Variants in THBS4 observed in about 807,000 individuals in gnomAD.
THBS4 encodes the protein thrombospondin 4.
THBS4 carries 90 observed loss-of-function variants against 115.7 expected under a neutral mutation model. That is an observed-to-expected ratio of 0.78 (90% CI 0.66 to 0.93). THBS4 has a LOEUF of 0.93. THBS4 is among the 40% of genes least tolerant of loss of function. The probability of loss-of-function intolerance (pLI) is 0.00; values close to 1 mark genes in which losing one functional copy is unlikely to be tolerated. For synonymous variants in THBS4, 460 were observed against 479.3 expected (o/e 0.96, Z 0.53); for missense variants, 1,087 against 1,232.7 (o/e 0.88, Z 1.77).
intron 21 of THBS4, 91 bp from the exon 22 acceptor site, chr5:80,082,988 GC>G: frequency 8.9e-7 from 1 of 1,123,618 alleles, no homozygotes; most frequent in South Asian, 1.3e-5. Context: ...GGCTAACAGC[GC>G]CCCCTACAGG....
At chr5:80,053,064 A>G (rs1833302909) in intron 2 of THBS4, 1 of 152,182 alleles carries the variant, frequency 6.6e-6, no homozygotes, top group Non-Finnish European at 1.5e-5. Context: ...GCAGGAAGAA[A>G]AAAATACCAT....
rs767557345 is a variant in THBS4, at chr5:80,079,892, T to G, written c.2512-13T>G. 6.8e-6 allele frequency: 11 copies of G among 1,613,392 alleles called. No homozygotes were observed. The South Asian group carries it at 1.1e-4, about 16-fold the overall frequency. ...GTGTCCTGTCCTAAAACCTTGCTTG[T>G]GTCATCATGCAGGCTGTGAAGTCTA... On this transcript the variant is annotated splice_polypyrimidine_tract_variant and intron_variant, in intron 19 of 21. Transcript: ENST00000350881.
intron 2 of THBS4, among the ~76,000 whole-genome samples, chr5:80,018,152 T>G (rs1325103473): frequency 6.6e-6 from 1 of 152,104 alleles, no homozygotes; most frequent in African/African-American, 2.4e-5. Context: ...TCTTTTCCAT[T>G]CTTTCTACTG....
intron 4 of THBS4, 75 bp from the exon 5 acceptor site, chr5:80,058,633 G>A: frequency 8.0e-7 from 1 of 1,249,546 alleles, no homozygotes; most frequent in Non-Finnish European, 1.2e-6. Context: ...ATTTCCTGGG[G>A]AATAATTTGG....
At chr5:80,052,152 G>GT (rs767697016) in intron 2 of THBS4, among the ~76,000 whole-genome samples, 15 of 152,102 alleles carry the variant, frequency 9.9e-5, no homozygotes, top group Non-Finnish European at 1.9e-4. Context: ...TGTAATAGAA[G>GT]TTTTTTAAAA....
intron 2 of THBS4, among the ~76,000 whole-genome samples, chr5:80,006,797 A>C (rs1832027321): frequency 6.6e-6 from 1 of 152,214 alleles, no homozygotes; most frequent in Non-Finnish European, 1.5e-5. Flanking sequence ...AATGTATGTT[A>C]TTTGAGTGAT....
chr5:80,082,325 A>C, intron 20 of THBS4, 81 bp from the exon 21 acceptor site: 1 of 1,565,126 alleles, frequency 6.4e-7, no homozygotes, highest in Non-Finnish European at 8.7e-7. Flanking sequence ...ACGTATAAGA[A>C]GTGGGGCCCC....
intron 2 of THBS4, among the ~76,000 whole-genome samples, chr5:80,002,103 C>T (rs955285369): frequency 1.3e-5 from 2 of 152,024 alleles, no homozygotes; most frequent in African/African-American, 4.8e-5. Flanking sequence ...TATTTTATAC[C>T]ATACCATGCA....
intron 17 of THBS4, 120 bp from the exon 18 acceptor site, chr5:80,078,801 C>A: frequency 1.2e-6 from 1 of 804,542 alleles, no homozygotes; most frequent in Non-Finnish European, 1.9e-6. Context: ...ATAATGAAAT[C>A]TTTATATGGA....
chr5:80,078,724 CTTT>C, intron 17 of THBS4, 194 bp from the exon 18 acceptor site: 1 of 516,048 alleles, frequency 1.9e-6, no homozygotes, highest in Non-Finnish European at 3.3e-6. Flanking sequence ...CAGCTTTGAG[CTTT>C]TTTTTAACCT....
intron 1 of THBS4, among the ~76,000 whole-genome samples, chr5:79,994,273 A>C (rs556561684): frequency 6.6e-6 from 1 of 152,262 alleles, no homozygotes; most frequent in African/African-American, 2.4e-5. Flanking sequence ...ATCAGTACCC[A>C]TATAGCCAGT....
intron 2 of THBS4, among the ~76,000 whole-genome samples, chr5:80,018,118 G>A (rs900938077): frequency 5.9e-5 from 9 of 151,968 alleles, no homozygotes; most frequent in African/African-American, 2.2e-4. Flanking sequence ...AAAACTCTCA[G>A]CCATTTTTCC....
chr5:80,070,988 GTCTGAGTGATGT>G (rs1256184747), intron 12 of THBS4, 21 bp from the exon 13 acceptor site: 2 of 1,608,000 alleles, frequency 1.2e-6, no homozygotes, highest in African/African-American at 2.7e-5. Context: ...TTTAGTAAAA[GTCTGAGTGATGT>G]TCTGTCCTTT....
At chr5:80,013,429 A>G (rs1206468972) in intron 2 of THBS4, among the ~76,000 whole-genome samples, 4 of 152,156 alleles carry the variant, frequency 2.6e-5, no homozygotes, top group African/African-American at 9.7e-5. Flanking sequence ...ATGAGCCACC[A>G]TGCCTGGCCA....
intron 1 of THBS4, among the ~76,000 whole-genome samples, chr5:80,039,547 C>T (rs967119844): frequency 3.9e-5 from 6 of 152,186 alleles, no homozygotes; most frequent in Admixed American, 3.3e-4. Flanking sequence ...TTAGGTCTCA[C>T]AAAGGTGGCA....
upstream of THBS4, among the ~76,000 whole-genome samples, chr5:80,031,708 C>G (rs1832590474): frequency 2.0e-5 from 3 of 152,188 alleles, no homozygotes; most frequent in African/African-American, 4.8e-5. Context: ...GTAAACCAGC[C>G]CAATAACACA....
intron 8 of THBS4, among the ~76,000 whole-genome samples, chr5:80,063,511 CT>C (rs1217697562): frequency 1.3e-5 from 2 of 152,160 alleles, no homozygotes; most frequent in Non-Finnish European, 2.9e-5. Flanking sequence ...ATGGTAGTTT[CT>C]TTTGCTGTGC....
intron 7 of THBS4, among the ~76,000 whole-genome samples, chr5:80,060,811 T>G (rs1833607085): frequency 6.6e-6 from 1 of 152,072 alleles, no homozygotes; most frequent in East Asian, 1.9e-4. Context: ...AAAGCAATGT[T>G]CATAGCAGGT....
Position 80,077,021 on chromosome 5 carries a change from C to A in THBS4, c.2059C>A (p.Pro687Thr), listed in dbSNP as rs1743252797. The A allele has an allele frequency of 1.9e-6, 3 of 1,608,846 alleles. No individual in the cohort carries two copies. Among genetic ancestry groups the A allele is most frequent in the Non-Finnish European group, 1.7e-6 (2 of 1,177,248 alleles). ...PPGPDNCRLV[P>T]NPAQEDSNSD... ...TGGACCAGACAACTGCCGGCTGGTC[C>A]CCAACCCAGCCCAGGAGGATAGCAA... The change falls in exon 16 of 22, where the codon CCC (proline) becomes ACC (threonine). Residue 687 changes from proline to threonine, a missense_variant. This residue lies in a region of THBS4 where 979 missense variants were observed against 1,103.7 expected (regional missense o/e 0.89). Coordinates refer to ENST00000350881, the MANE Select transcript of THBS4 (RefSeq NM_003248.6).
Sources: gnomAD v4.1 joint callset for allele counts (sites outside exome capture counted in the v4.1 genomes callset) on GRCh38, gnomAD v4.1.1 for gene constraint, gnomAD v4.1.1 regional missense constraint, MANE v1.5 for transcripts, NCBI Gene and HGNC (gene_info 2026-07-23, HGNC 2026-07-21) for gene names.